Variants in GRIN2B observed in about 807,000 individuals in gnomAD.
The protein encoded by GRIN2B is glutamate receptor ionotropic, NMDA 2B.
In GRIN2B, 5 loss-of-function variants were observed where a neutral mutation model predicts 114.5. The observed-to-expected ratio is 0.04, with a 90% CI of 0.02 to 0.09. The LOEUF (loss-of-function observed/expected upper bound fraction) is 0.09. Among genes scored for constraint, GRIN2B ranks in the 10% least tolerant of loss-of-function variants. The pLI, the probability that GRIN2B is intolerant of heterozygous loss-of-function variation, is 1.00. For missense variants in GRIN2B, 1,108 were observed against 1,943.5 expected, an observed-to-expected ratio of 0.57 and a Z score of 8.08; for synonymous variants, 787 against 745.1, an observed-to-expected ratio of 1.06 and a Z score of -0.92.
chr12:13,598,318 G>T (rs1805510), intron 10 of GRIN2B, among the ~76,000 whole-genome samples: 26,644 of 152,100 alleles, frequency 0.18, 3,513 homozygotes, highest in African/African-American at 0.37. Context: ...TTTGGGCAGG[G>T]AGCCTTGAAA....
chr12:13,737,239 T>G (rs1863201645), intron 4 of GRIN2B, among the ~76,000 whole-genome samples: 2 of 149,870 alleles, frequency 1.3e-5, no homozygotes, highest in African/African-American at 2.5e-5. Flanking sequence ...TGAGATGGAG[T>G]CTCTCTCTAT....
intron 2 of GRIN2B, among the ~76,000 whole-genome samples, chr12:13,952,671 T>G (rs191772543): frequency 1.4e-4 from 21 of 152,268 alleles, no homozygotes; most frequent in African/African-American, 4.6e-4. Flanking sequence ...TCTGGCCATG[T>G]ATTTAAGGTA....
intron 4 of GRIN2B, among the ~76,000 whole-genome samples, chr12:13,733,134 C>T (rs902501115): frequency 5.9e-5 from 9 of 152,080 alleles, no homozygotes; most frequent in South Asian, 4.1e-4. Context: ...ATTTCTGGTA[C>T]GTGCAACAGG....
chr12:13,962,343 C>T (rs1279600429), intron 2 of GRIN2B, among the ~76,000 whole-genome samples: 1 of 152,144 alleles, frequency 6.6e-6, no homozygotes, highest in Non-Finnish European at 1.5e-5. Flanking sequence ...TAAATATATA[C>T]CATCCCTTCT....
At chr12:13,807,975 T>C (rs530048541) in intron 3 of GRIN2B, among the ~76,000 whole-genome samples, 1 of 152,224 alleles carries the variant, frequency 6.6e-6, no homozygotes, top group South Asian at 2.1e-4. Flanking sequence ...CCTTTTGACC[T>C]AGAGACAAAG....
At chr12:13,565,313 G>A (rs1246510832) in intron 13 of GRIN2B, among the ~76,000 whole-genome samples, 2 of 152,200 alleles carry the variant, frequency 1.3e-5, no homozygotes, top group African/African-American at 4.8e-5. Context: ...CACTGTGGGA[G>A]GGAAGAATTG....
At chr12:13,727,981 G>A (rs541293559) in intron 4 of GRIN2B, among the ~76,000 whole-genome samples, 86 of 152,292 alleles carry the variant, frequency 5.6e-4, no homozygotes, top group African/African-American at 2.0e-3. Flanking sequence ...TCTTACTGTA[G>A]CATTGTGAGT....
intron 2 of GRIN2B, among the ~76,000 whole-genome samples, chr12:13,905,415 C>T (rs192335014): frequency 2.8e-4 from 43 of 152,272 alleles, no homozygotes; most frequent in African/African-American, 9.9e-4. Flanking sequence ...TTCAAAAATA[C>T]TTTTTGCGCT....
At chr12:13,891,294 GA>G (rs1191677372) in intron 2 of GRIN2B, among the ~76,000 whole-genome samples, 1 of 152,000 alleles carries the variant, frequency 6.6e-6, no homozygotes, top group African/African-American at 2.4e-5. Context: ...CAAGAAGGAA[GA>G]ACATCTTCCT....
intron 11 of GRIN2B, 88 bp downstream of exon 11, chr12:13,571,716 A>G (rs1948711227): frequency 7.7e-7 from 1 of 1,292,144 alleles, no homozygotes; most frequent in African/African-American, 1.5e-5. Context: ...GATACCAAGC[A>G]TGGTATACCT....
At chr12:13,804,140 G>A (rs1190779643) in intron 3 of GRIN2B, among the ~76,000 whole-genome samples, 1 of 145,930 alleles carries the variant, frequency 6.9e-6, no homozygotes, top group Non-Finnish European at 1.5e-5. Context: ...ACTGTACCTT[G>A]TCATTTCTGC....
intron 3 of GRIN2B, among the ~76,000 whole-genome samples, chr12:13,828,660 G>T (rs929867599): frequency 6.6e-6 from 1 of 152,108 alleles, no homozygotes; most frequent in Non-Finnish European, 1.5e-5. Flanking sequence ...CTTTTCTCAG[G>T]AATAATAATC....
chr12:13,843,286 G>A (rs373790176), intron 3 of GRIN2B, among the ~76,000 whole-genome samples: 105 of 151,696 alleles, frequency 6.9e-4, no homozygotes, highest in Non-Finnish European at 1.3e-3. Flanking sequence ...CCAAATTTTG[G>A]TTGACATCTG....
At position 13,551,002 on chromosome 12, in the gene GRIN2B, CAAAG is replaced by C. The variant is rs1948404550; in HGVS notation, c.*11777_*11780del. ...CATTGACTTCTAAATGCATTTATATCAAAGAAAGGGTGATTTTACTACTTCATGT... is the reference window on the plus strand; with the variant it reads ...CATTGACTTCTAAATGCATTTATATCAAAGGGTGATTTTACTACTTCATGT... On this transcript the variant is annotated 3_prime_UTR_variant, in exon 14 of 14. Coordinates refer to ENST00000609686, the MANE Select transcript of GRIN2B (RefSeq NM_000834.5). The C allele has an allele frequency of 6.6e-6, 1 of 151,320 alleles. No homozygotes were observed. The highest frequency in any genetic ancestry group is 2.4e-5 in the African/African-American group (1 of 41,210). 9.4% of individuals were successfully genotyped at this position (151,320 alleles called of 1,614,324 possible).
chr12:13,760,182 T>G (rs1386883777), intron 3 of GRIN2B, among the ~76,000 whole-genome samples: 1 of 152,210 alleles, frequency 6.6e-6, no homozygotes, highest in African/African-American at 2.4e-5. Flanking sequence ...GATTACTTAT[T>G]TGACATGTTT....
chr12:13,614,247 A>G (rs1302770533), intron 8 of GRIN2B, among the ~76,000 whole-genome samples: 3 of 152,174 alleles, frequency 2.0e-5, no homozygotes, highest in Non-Finnish European at 4.4e-5. Context: ...CTATGGTTAG[A>G]GCTTAAAGAA....
At chr12:13,926,275 A>T (rs906609454) in intron 2 of GRIN2B, among the ~76,000 whole-genome samples, 3 of 152,178 alleles carry the variant, frequency 2.0e-5, no homozygotes, top group Non-Finnish European at 4.4e-5. Context: ...AATGACAAAA[A>T]GCAACATCTA....
intron 2 of GRIN2B, among the ~76,000 whole-genome samples, chr12:13,898,764 A>T (rs947343142): frequency 1.3e-5 from 2 of 152,208 alleles, no homozygotes; most frequent in African/African-American, 4.8e-5. Context: ...ATACAAAATT[A>T]GCTAGGCGTG....
At chr12:13,681,290 C>G (rs1950129621) in intron 4 of GRIN2B, among the ~76,000 whole-genome samples, 1 of 152,156 alleles carries the variant, frequency 6.6e-6, no homozygotes, top group Non-Finnish European at 1.5e-5. Context: ...ATGAAACAGA[C>G]AAAGCCCAGC....
Sources: gnomAD v4.1 joint callset for allele counts (sites outside exome capture counted in the v4.1 genomes callset) on GRCh38, gnomAD v4.1.1 for gene constraint, MANE v1.5 for transcripts, NCBI Gene and HGNC (gene_info 2026-07-23, HGNC 2026-07-21) for gene names.